Variants in PID1 observed in about 807,000 individuals in gnomAD.
PID1 encodes phosphotyrosine interaction domain containing 1, also known as PTB-containing, cubilin and LRP1-interacting protein.
PID1 carries 10 observed loss-of-function variants against 19.1 expected under a neutral mutation model. The observed-to-expected ratio is 0.52, with a 90% CI of 0.32 to 0.89. The LOEUF (loss-of-function observed/expected upper bound fraction) is 0.89, where lower values mean the gene tolerates loss of function less well. Ranked by LOEUF, PID1 falls within the 40% of genes least tolerant of loss-of-function variation. The pLI is 0.03. For synonymous variants in PID1, 130 were observed against 116.0 expected, an observed-to-expected ratio of 1.12 and a Z score of -0.78; for missense variants, 248 against 285.3, an observed-to-expected ratio of 0.87 and a Z score of 0.94.
intron 2 of PID1, among the ~76,000 whole-genome samples, chr2:229,042,477 C>A (rs1370160705): frequency 1.3e-5 from 2 of 152,128 alleles, no homozygotes; most frequent in African/African-American, 2.4e-5. Context: ...TGTTTGTGAT[C>A]AAAATCCACC....
intron 2 of PID1, among the ~76,000 whole-genome samples, chr2:229,112,286 T>C (rs1002236820): frequency 2.0e-5 from 3 of 152,206 alleles, no homozygotes; most frequent in Admixed American, 6.5e-5. Flanking sequence ...TTTGATTCTA[T>C]TGGCTATTTT....
chr2:229,217,771 A>G (rs149328187), intron 1 of PID1, among the ~76,000 whole-genome samples: 1 of 152,354 alleles, frequency 6.6e-6, no homozygotes, highest in East Asian at 1.9e-4. Context: ...AGAATTTCCT[A>G]TCACCACCAG....
chr2:229,196,316 A>C (rs1171965138), intron 1 of PID1, among the ~76,000 whole-genome samples: 1 of 152,074 alleles, frequency 6.6e-6, no homozygotes, highest in Non-Finnish European at 1.5e-5. Context: ...CTTTTCAAAC[A>C]TATTTTTCAA....
intron 1 of PID1, among the ~76,000 whole-genome samples, chr2:229,196,394 T>C (rs1023932379): frequency 6.6e-6 from 1 of 152,100 alleles, no homozygotes; most frequent in Non-Finnish European, 1.5e-5. Context: ...TTTTCAAAGA[T>C]AATCAAAGAA....
Position 229,116,005 on chromosome 2 carries a change from G to T in PID1, c.177+39813C>A, listed in dbSNP as rs115988367. The stretch of plus-strand genomic sequence containing the variant: ...GGAGGCCGAAGTGGGCAGATCACGA[G>T]TTCAGGAGATGGAGACGACCATCCT... On this transcript the variant is annotated intron_variant, in intron 2 of 2. Coordinates refer to ENST00000392055, the MANE Select transcript of PID1 (RefSeq NM_001100818.2). Among the ~76,000 whole-genome samples the T allele has an allele frequency of 7.7e-3, 1,167 of 152,162 alleles. 17 individuals are homozygous for T. The highest frequency in any genetic ancestry group is 0.027 in the African/African-American group (1,128 of 41,502).
chr2:229,128,667 C>G (rs552050805), intron 2 of PID1, among the ~76,000 whole-genome samples: 3 of 152,074 alleles, frequency 2.0e-5, no homozygotes, highest in South Asian at 2.1e-4. Context: ...AAAAAATAAA[C>G]AAGCTAACCA....
At chr2:229,127,642 G>T (rs1695649971) in intron 2 of PID1, among the ~76,000 whole-genome samples, 1 of 152,138 alleles carries the variant, frequency 6.6e-6, no homozygotes, top group South Asian at 2.1e-4. Flanking sequence ...ATGAATCAGA[G>T]GTTGTACAGT....
intron 2 of PID1, among the ~76,000 whole-genome samples, chr2:229,113,592 A>ACATGTG (rs1491156183): frequency 1.5e-4 from 8 of 53,170 alleles, no homozygotes; most frequent in African/African-American, 4.3e-4. Context: ...GTGTGTATGC[A>ACATGTG]TATATGTGTG....
intron 1 of PID1, among the ~76,000 whole-genome samples, chr2:229,264,157 CCTT>C (rs1690534207): frequency 6.6e-6 from 1 of 152,164 alleles, no homozygotes; most frequent in African/African-American, 2.4e-5. Context: ...CGCTATATAA[CCTT>C]CTAGCTGTGG....
chr2:229,038,609 G>A (rs1359069269), intron 2 of PID1, among the ~76,000 whole-genome samples: 1 of 152,138 alleles, frequency 6.6e-6, no homozygotes, highest in South Asian at 2.1e-4. Context: ...AATACTAATT[G>A]TAAGGATAAC....
chr2:229,226,721 T>C (rs1173255520), intron 1 of PID1, among the ~76,000 whole-genome samples: 1 of 152,218 alleles, frequency 6.6e-6, no homozygotes, highest in Admixed American at 6.5e-5. Flanking sequence ...TGATATTTCT[T>C]TCTCATGAAA....
intron 1 of PID1, among the ~76,000 whole-genome samples, chr2:229,202,739 T>G (rs1040419290): frequency 2.0e-5 from 3 of 152,136 alleles, no homozygotes; most frequent in African/African-American, 7.2e-5. Flanking sequence ...AGCAGTACTT[T>G]TTATAAGCTT....
At chr2:229,138,743 A>G (rs891784524) in intron 2 of PID1, among the ~76,000 whole-genome samples, 2 of 151,802 alleles carry the variant, frequency 1.3e-5, no homozygotes, top group East Asian at 3.9e-4. Flanking sequence ...ATCCCCAGCT[A>G]GTGTATTTCA....
At chr2:229,199,253 G>T (rs1375738918) in intron 1 of PID1, among the ~76,000 whole-genome samples, 1 of 152,084 alleles carries the variant, frequency 6.6e-6, no homozygotes, top group Middle Eastern at 3.4e-3. Context: ...CAAGTATCAC[G>T]TTGCTTTCTT....
intron 2 of PID1, among the ~76,000 whole-genome samples, chr2:229,105,454 G>A (rs965519322): frequency 5.3e-5 from 8 of 152,320 alleles, no homozygotes; most frequent in Admixed American, 5.2e-4. Context: ...TTTGATCCTG[G>A]GATCTGAGAT....
chr2:229,263,491 C>G (rs958615292), intron 1 of PID1, among the ~76,000 whole-genome samples: 2 of 152,126 alleles, frequency 1.3e-5, no homozygotes, highest in African/African-American at 2.4e-5. Flanking sequence ...AAAAACTGGT[C>G]TCTGACAATC....
intron 2 of PID1, among the ~76,000 whole-genome samples, chr2:229,155,345 T>C (rs1049126015): frequency 6.6e-6 from 1 of 151,972 alleles, no homozygotes; most frequent in Non-Finnish European, 1.5e-5. Context: ...GGTGGGCAGA[T>C]CATGAGGTCA....
chr2:229,201,745 A>G (rs1413968469), intron 1 of PID1, among the ~76,000 whole-genome samples: 2 of 152,112 alleles, frequency 1.3e-5, no homozygotes, highest in African/African-American at 2.4e-5. Flanking sequence ...TCCCACCAAC[A>G]GTGCATCAGG....
chr2:229,224,500 G>A (rs1692036899), intron 1 of PID1, among the ~76,000 whole-genome samples: 1 of 151,946 alleles, frequency 6.6e-6, no homozygotes, highest in South Asian at 2.1e-4. Flanking sequence ...TCTGGTATTT[G>A]GTATATTATA....
Sources: allele counts gnomAD v4.1 joint callset (sites outside exome capture counted in the v4.1 genomes callset), GRCh38; gene constraint gnomAD v4.1.1; transcripts MANE v1.5; gene names NCBI Gene and HGNC (gene_info 2026-07-23, HGNC 2026-07-21).